The following SLC45A4 variants were observed in gnomAD, a reference collection of about 807,000 sequenced individuals.
SLC45A4 encodes solute carrier family 45 member 4.
Under a neutral mutation model 63.7 loss-of-function variants are expected in SLC45A4, and 32 were observed. That is an observed-to-expected ratio of 0.50 (90% CI 0.38 to 0.67). SLC45A4 has a LOEUF of 0.67. Ranked by LOEUF, SLC45A4 falls within the 30% of genes least tolerant of loss-of-function variation. The pLI is 0.00. For missense variants in SLC45A4, 1,027 were observed against 1,157.7 expected, an observed-to-expected ratio of 0.89 and a Z score of 1.64; for synonymous variants, 535 against 510.0, an observed-to-expected ratio of 1.05 and a Z score of -0.66.
chr8:141,299,148 A>G (rs1830661370), intron 1 of SLC45A4, among the ~76,000 whole-genome samples: 1 of 152,142 alleles, frequency 6.6e-6, no homozygotes, highest in South Asian at 2.1e-4. Flanking sequence ...TGGTTACCAC[A>G]CGGAAGCAGA....
intron 2 of SLC45A4, among the ~76,000 whole-genome samples, chr8:141,251,369 C>A (rs1828456872): frequency 6.6e-6 from 1 of 152,174 alleles, no homozygotes; most frequent in South Asian, 2.1e-4. Context: ...GCCCTGCTCT[C>A]CATGAAGGCC....
In SLC45A4 at chr8:141,236,744, ATTTAAC is replaced by A. The variant is rs1332535329; in HGVS notation, c.242-14985_242-14980del. Among the ~76,000 whole-genome samples the A allele has an allele frequency of 4.6e-5, 7 of 152,380 alleles. No homozygotes were observed. The South Asian group carries it at 1.2e-3, about 27-fold the overall frequency. Reference sequence around the variant, plus strand: ...CACAAAAAGCCCACTTATTTCCATAATTTAACTTTATTTTGATACATGTTTTAGGGA... The same window carrying A: ...CACAAAAAGCCCACTTATTTCCATAATTTATTTTGATACATGTTTTAGGGA... On this transcript the variant is annotated intron_variant, in intron 2 of 8. Coordinates refer to ENST00000517878, the MANE Select transcript of SLC45A4 (RefSeq NM_001286646.2).
At chr8:141,269,563 A>G (rs1048953283) in intron 1 of SLC45A4, among the ~76,000 whole-genome samples, 1 of 139,986 alleles carries the variant, frequency 7.1e-6, no homozygotes, top group East Asian at 2.1e-4. Context: ...TCTGTGTGTC[A>G]ATGTCTGCCT....
chr8:141,250,195 T>C (rs1828399142), intron 2 of SLC45A4, among the ~76,000 whole-genome samples: 1 of 152,212 alleles, frequency 6.6e-6, no homozygotes, highest in African/African-American at 2.4e-5. Flanking sequence ...GTCCTGGGCT[T>C]ATGATGGTGG....
chr8:141,219,084 G>T, intron 4 of SLC45A4, 55 bp from the exon 5 acceptor site: 3 of 1,560,568 alleles, frequency 1.9e-6, no homozygotes, highest in South Asian at 1.2e-5. Flanking sequence ...CACAGGGGGG[G>T]AAGCTCTGGG....
intron 3 of SLC45A4, among the ~76,000 whole-genome samples, chr8:141,220,666 G>T (rs1419927630): frequency 6.6e-6 from 1 of 152,256 alleles, no homozygotes; most frequent in Non-Finnish European, 1.5e-5. Flanking sequence ...GCGGGAGAAG[G>T]GCTTTCTGCC....
At chr8:141,213,302 C>T (rs1283682608) in intron 7 of SLC45A4, among the ~76,000 whole-genome samples, 3 of 152,196 alleles carry the variant, frequency 2.0e-5, no homozygotes, top group East Asian at 3.9e-4. Context: ...CAAGCGTACA[C>T]GGAACATTTA....
chr8:141,262,110 AT>A (rs1419584578), intron 1 of SLC45A4, among the ~76,000 whole-genome samples: 1 of 151,904 alleles, frequency 6.6e-6, no homozygotes, highest in Non-Finnish European at 1.5e-5. Flanking sequence ...AAAACAAGAA[AT>A]TGGGAAAGGA....
At chr8:141,263,984 G>C (rs1829155689) in intron 1 of SLC45A4, among the ~76,000 whole-genome samples, 2 of 152,154 alleles carry the variant, frequency 1.3e-5, no homozygotes, top group Admixed American at 1.3e-4. Flanking sequence ...TGGCCTCCGG[G>C]TTGGTGCCAG....
rs549479884 is a variant in SLC45A4, at chr8:141,277,267, C to T, written c.-400-22638G>A. Reference sequence around the variant, plus strand: ...GGACACAAGACAGGTCCGGGTCCGGCGAGGACCGGAATGAAAGGACCATCA... The same window carrying T: ...GGACACAAGACAGGTCCGGGTCCGGTGAGGACCGGAATGAAAGGACCATCA... On this transcript the variant is annotated intron_variant, in intron 1 of 8. Transcript: ENST00000517878. Among the ~76,000 whole-genome samples, 55 of 152,300 alleles carry T rather than the reference C, an allele frequency of 3.6e-4. No individual in the cohort carries two copies. The South Asian group carries it at 5.4e-3, about 15-fold the overall frequency.
chr8:141,272,554 T>C (rs1829581629), intron 1 of SLC45A4, among the ~76,000 whole-genome samples: 1 of 152,180 alleles, frequency 6.6e-6, no homozygotes, highest in African/African-American at 2.4e-5. Context: ...AGACCAGCCA[T>C]TCCTCACCTC....
chr8:141,277,699 G>A (rs2154615023), intron 1 of SLC45A4, among the ~76,000 whole-genome samples: 1 of 151,990 alleles, frequency 6.6e-6, no homozygotes, highest in South Asian at 2.1e-4. Context: ...GAGTGCAGTG[G>A]GGCGATCTCG....
chr8:141,233,887 G>A lies in SLC45A4; in HGVS notation c.242-12122C>T, dbSNP rs1199545673. Among the ~76,000 whole-genome samples, 3 of 152,176 alleles carry A rather than the reference G, an allele frequency of 2.0e-5. No homozygotes were observed. The East Asian group carries it at 5.8e-4, about 29-fold the overall frequency. On this transcript the variant is annotated intron_variant, in intron 2 of 8. Transcript: ENST00000517878. Reference sequence around the variant, plus strand: ...CTGCGGCTGGACCTGACTCTGGGCTGAGCTGAGCTTCAGAGGCCAGCACTA... The same window carrying A: ...CTGCGGCTGGACCTGACTCTGGGCTAAGCTGAGCTTCAGAGGCCAGCACTA...
At chr8:141,226,980 C>G (rs922399089) in intron 2 of SLC45A4, 1 of 152,258 alleles carries the variant, frequency 6.6e-6, no homozygotes, top group Admixed American at 6.5e-5. Context: ...GCTGCCGCCT[C>G]CCTGCCTCGC....
chr8:141,230,856 C>T (rs976674670), intron 2 of SLC45A4, among the ~76,000 whole-genome samples: 2 of 152,226 alleles, frequency 1.3e-5, no homozygotes, highest in African/African-American at 4.8e-5. Context: ...AAATTGGGAA[C>T]GTGGCACTGA....
chr8:141,267,043 G>A (rs887709382), intron 1 of SLC45A4, among the ~76,000 whole-genome samples: 5 of 152,258 alleles, frequency 3.3e-5, no homozygotes, highest in African/African-American at 7.2e-5. Context: ...CCAGGACAGC[G>A]GTGGGCAGGT....
intron 1 of SLC45A4, among the ~76,000 whole-genome samples, chr8:141,292,234 C>A (rs1054914779): frequency 6.6e-6 from 1 of 152,234 alleles, no homozygotes; most frequent in Non-Finnish European, 1.5e-5. Context: ...CTGCATACAT[C>A]CCCGACCAGG....
rs897362142 is a variant in SLC45A4 at position 141,215,270 on chromosome 8, G to C, written c.1941+489C>G. Among the ~76,000 whole-genome samples, 1 of 152,188 alleles carries C rather than the reference G, an allele frequency of 6.6e-6. No homozygotes were observed. Among genetic ancestry groups the C allele is most frequent in the African/African-American group, 2.4e-5 (1 of 41,448 alleles). ...GATGAGCAAGAGTGTAAGGTATCTC[G>C]ATGACTTTTTTCATATAGAGTACAT... On this transcript the variant is annotated intron_variant, in intron 7 of 8. Transcript: ENST00000517878. The surrounding 1 kb of genome is among the most constrained non-coding windows in gnomAD (Gnocchi z 4.3).
intron 1 of SLC45A4, among the ~76,000 whole-genome samples, chr8:141,298,966 G>A (rs1196739337): frequency 3.9e-5 from 6 of 152,190 alleles, no homozygotes; most frequent in African/African-American, 7.2e-5. Flanking sequence ...TAGGCCGGCC[G>A]TATCCGGTGG....
Sources: gnomAD v4.1 joint callset for allele counts (sites outside exome capture counted in the v4.1 genomes callset) on GRCh38, gnomAD v4.1.1 for gene constraint, Gnocchi (gnomAD v3.1) non-coding constraint, MANE v1.5 for transcripts, NCBI Gene and HGNC (gene_info 2026-07-23, HGNC 2026-07-21) for gene names.